The following DNER variants were observed in gnomAD, a reference collection of about 807,000 sequenced individuals.
The protein encoded by DNER is delta and Notch-like epidermal growth factor-related receptor.
In DNER, 33 loss-of-function variants were observed where a neutral mutation model predicts 78.2. The observed-to-expected ratio is 0.42, with a 90% CI of 0.32 to 0.56. The LOEUF is 0.56. DNER is among the 20% of genes least tolerant of loss of function. DNER has a pLI of 0.11. For synonymous variants in DNER, 417 were observed against 384.8 expected (o/e 1.08, Z -0.98); for missense variants, 918 against 975.3 (o/e 0.94, Z 0.78).
intron 6 of DNER, 32 bp from the exon 7 acceptor site, chr2:229,477,285 T>C (rs1032581842): frequency 2.6e-6 from 4 of 1,559,664 alleles, no homozygotes; most frequent in African/African-American, 2.7e-5. Flanking sequence ...TTTTATAAAA[T>C]AAGCTCTTCC....
At chr2:229,634,457 G>C (rs944049712) in intron 1 of DNER, among the ~76,000 whole-genome samples, 2 of 152,044 alleles carry the variant, frequency 1.3e-5, no homozygotes, top group African/African-American at 4.8e-5. Flanking sequence ...CAGTTACATT[G>C]TATTGGGAAT....
chr2:229,452,685 G>A (rs1039609788), intron 7 of DNER, among the ~76,000 whole-genome samples: 1 of 152,194 alleles, frequency 6.6e-6, no homozygotes, highest in East Asian at 1.9e-4. Context: ...CTGAAGTGCA[G>A]TGGCATGATC....
At chr2:229,563,243 C>T (rs1696999266) in intron 4 of DNER, among the ~76,000 whole-genome samples, 1 of 141,020 alleles carries the variant, frequency 7.1e-6, no homozygotes, top group African/African-American at 2.7e-5. Context: ...CTCCTCACCC[C>T]ATCACCATCA....
intron 1 of DNER, among the ~76,000 whole-genome samples, chr2:229,622,897 T>G (rs80249274): frequency 0.014 from 2,092 of 152,250 alleles, 50 homozygotes; most frequent in African/African-American, 0.048. Context: ...GATTTCAGAC[T>G]CCTGGCCTCC....
At chr2:229,377,344 C>T (rs1478194409) in intron 11 of DNER, among the ~76,000 whole-genome samples, 1 of 152,176 alleles carries the variant, frequency 6.6e-6, no homozygotes, top group East Asian at 1.9e-4. Context: ...TTAACTATAA[C>T]TCTAACTTTA....
chr2:229,592,925 A>G (rs1292170083), intron 1 of DNER, among the ~76,000 whole-genome samples: 2 of 152,214 alleles, frequency 1.3e-5, no homozygotes, highest in African/African-American at 2.4e-5. Context: ...TTAAACATAC[A>G]TGGAGAGAAT....
intron 1 of DNER, among the ~76,000 whole-genome samples, chr2:229,662,517 G>A (rs903470797): frequency 7.2e-5 from 11 of 152,186 alleles, no homozygotes; most frequent in Non-Finnish European, 1.6e-4. Context: ...AAGTGGCAGA[G>A]CCAAGGTGCA....
chr2:229,448,184 A>AT (rs1694378947), intron 7 of DNER, among the ~76,000 whole-genome samples: 1 of 152,064 alleles, frequency 6.6e-6, no homozygotes, highest in Admixed American at 6.6e-5. Flanking sequence ...CCACTCAGCA[A>AT]TAAAAAAAAA....
chr2:229,703,435 TG>T (rs1254149947), intron 1 of DNER, among the ~76,000 whole-genome samples: 10 of 152,134 alleles, frequency 6.6e-5, no homozygotes, highest in Admixed American at 5.2e-4. Context: ...AAACCTTAAA[TG>T]ATACATGAGA....
chr2:229,382,343 C>A lies in DNER; in HGVS notation c.1855+5922G>T, dbSNP rs188759078. 1.4e-3 allele frequency among the ~76,000 whole-genome samples: 211 copies of A among 152,204 alleles called. 1 individual carries two copies. Among genetic ancestry groups the A allele is most frequent in the African/African-American group, 5.0e-3 (208 of 41,550 alleles). On this transcript the variant is annotated intron_variant, in intron 11 of 12. Coordinates refer to ENST00000341772, the MANE Select transcript of DNER (RefSeq NM_139072.4). ...ACAAAAAGGCTAAAAATTCCAAAAA[C>A]CAGAATGCCTCTTCTCCTCCAAAGG... is the stretch of plus-strand genomic sequence containing the variant.
At chr2:229,548,495 G>T (rs1696666132) in intron 4 of DNER, among the ~76,000 whole-genome samples, 1 of 152,048 alleles carries the variant, frequency 6.6e-6, no homozygotes, top group African/African-American at 2.4e-5. Context: ...CACAAGATCA[G>T]AAAACCAAAC....
intron 5 of DNER, among the ~76,000 whole-genome samples, chr2:229,537,326 G>T (rs1388219644): frequency 1.3e-5 from 2 of 152,186 alleles, no homozygotes; most frequent in African/African-American, 2.4e-5. Flanking sequence ...GGGCTACAAA[G>T]GCTGCTATAA....
intron 1 of DNER, among the ~76,000 whole-genome samples, chr2:229,650,479 A>T (rs917634892): frequency 6.6e-6 from 1 of 152,212 alleles, no homozygotes; most frequent in African/African-American, 2.4e-5. Flanking sequence ...CCTGAAAAGC[A>T]GGTTTCATCC....
At chr2:229,661,177 G>A (rs1010861682) in intron 1 of DNER, among the ~76,000 whole-genome samples, 5 of 152,180 alleles carry the variant, frequency 3.3e-5, no homozygotes, top group African/African-American at 1.2e-4. Flanking sequence ...GGCACTAAGT[G>A]TCTTTGCCAA....
At position 229,407,275 on chromosome 2, in the gene DNER, G is replaced by T. The variant is rs200801433; in HGVS notation, c.1680C>A (p.Ser560Arg). 1.9e-6 allele frequency: 3 copies of T among 1,613,544 alleles called. No homozygotes were observed. The highest frequency in any genetic ancestry group is 2.5e-6 in the Non-Finnish European group (3 of 1,179,646). The change falls in exon 10 of 13, where the codon AGC becomes AGA. Residue 560 changes from serine to arginine, a missense_variant. Ser to Arg is a moderately radical substitution (Grantham distance 110). Coordinates refer to ENST00000341772, the MANE Select transcript of DNER (RefSeq NM_139072.4). The stretch of plus-strand genomic sequence containing the variant: ...AGATGCACGTGCCATTCAGGCCGTC[G>T]CTGTCACAGGTGGCTCCGTTCAGAC... Reference protein sequence around the residue: ...VSCLNGATCDSDGLNGTCICA... With the variant: ...VSCLNGATCDRDGLNGTCICA...
At chr2:229,538,450 C>T (rs575338956) in intron 5 of DNER, among the ~76,000 whole-genome samples, 5 of 152,140 alleles carry the variant, frequency 3.3e-5, no homozygotes, top group African/African-American at 7.2e-5. Flanking sequence ...CCAAACCCTC[C>T]GCCTCCTAGG....
intron 1 of DNER, among the ~76,000 whole-genome samples, chr2:229,677,479 C>T (rs145450281): frequency 1.2e-3 from 179 of 152,276 alleles, no homozygotes; most frequent in African/African-American, 3.9e-3. Context: ...ACTAAAAACT[C>T]AGAAGTGAAA....
At position 229,382,743 on chromosome 2, in the gene DNER, C is replaced by T. The variant is rs570212630; in HGVS notation, c.1855+5522G>A. On this transcript the variant is annotated intron_variant, in intron 11 of 12. Coordinates refer to ENST00000341772, the MANE Select transcript of DNER (RefSeq NM_139072.4). ...AAAAAGAATGAAAAGGAATGAACAA[C>T]GCCTCCAAAAAATATGGGACTATGT... 2.3e-4 allele frequency among the ~76,000 whole-genome samples: 35 copies of T among 151,980 alleles called. 1 individual carries two copies. The South Asian group carries it at 4.4e-3, about 19-fold the overall frequency.
chr2:229,652,680 G>A (rs1698840434), intron 1 of DNER, among the ~76,000 whole-genome samples: 1 of 152,228 alleles, frequency 6.6e-6, no homozygotes, highest in South Asian at 2.1e-4. Context: ...GAAGACAGTA[G>A]ATATTGATGA....
Sources: allele counts gnomAD v4.1 joint callset (sites outside exome capture counted in the v4.1 genomes callset), GRCh38; gene constraint gnomAD v4.1.1; transcripts MANE v1.5; gene names NCBI Gene and HGNC (gene_info 2026-07-23, HGNC 2026-07-21).